EFCAB5: variants seen among roughly 807,000 people sequenced by gnomAD.
EFCAB5 encodes EF-hand calcium binding domain 5.
A neutral mutation model predicts 167.9 loss-of-function variants in EFCAB5; 131 were observed. The ratio of observed to expected loss-of-function variants is 0.78; its 90% CI spans 0.68 to 0.90. EFCAB5 has a LOEUF of 0.90. Ranked by LOEUF, EFCAB5 falls within the 40% of genes least tolerant of loss-of-function variation. EFCAB5 has a pLI of 0.00. For synonymous variants in EFCAB5, 574 were observed against 602.8 expected, an observed-to-expected ratio of 0.95 and a Z score of 0.70; for missense variants, 1,663 against 1,745.2, an observed-to-expected ratio of 0.95 and a Z score of 0.84.
intron 4 of EFCAB5, among the ~76,000 whole-genome samples, chr17:29,990,149 T>G (rs1393781609): frequency 2.0e-5 from 3 of 152,174 alleles, no homozygotes; most frequent in African/African-American, 7.2e-5. Flanking sequence ...ATATAACTAC[T>G]TTGATATACT....
At chr17:29,967,700 C>CATT (rs1404455210) in intron 3 of EFCAB5, among the ~76,000 whole-genome samples, 1 of 152,098 alleles carries the variant, frequency 6.6e-6, no homozygotes, top group Non-Finnish European at 1.5e-5. Flanking sequence ...CTTTTCCTGT[C>CATT]ATTGCTAGAG....
intron 22 of EFCAB5, among the ~76,000 whole-genome samples, chr17:30,098,093 C>T (rs893964607): frequency 1.3e-5 from 2 of 152,082 alleles, no homozygotes; most frequent in Admixed American, 1.3e-4. Flanking sequence ...TGCCACCACA[C>T]CCAACTAATT....
At chr17:29,987,932 C>T (rs1292280287) in intron 4 of EFCAB5, among the ~76,000 whole-genome samples, 2 of 152,140 alleles carry the variant, frequency 1.3e-5, no homozygotes, top group East Asian at 1.9e-4. Flanking sequence ...GTCTCCCAAA[C>T]GAGGGAACAT....
chr17:30,014,458 G>A (rs1034860159), intron 7 of EFCAB5, among the ~76,000 whole-genome samples: 4 of 152,088 alleles, frequency 2.6e-5, no homozygotes, highest in African/African-American at 9.7e-5. Flanking sequence ...GGTCTCTAAG[G>A]ACTTGCTTTA....
chr17:30,095,373 A>G (rs956622807), intron 22 of EFCAB5, among the ~76,000 whole-genome samples: 6 of 152,188 alleles, frequency 3.9e-5, no homozygotes, highest in Non-Finnish European at 7.3e-5. Flanking sequence ...GTCACCATTT[A>G]TAAAGAAACC....
chr17:30,045,458 CA>C (rs11291669), intron 8 of EFCAB5, among the ~76,000 whole-genome samples: 34,101 of 80,418 alleles, frequency 0.42, 4,192 homozygotes, highest in African/African-American at 0.59. Context: ...GCTCTGTCTC[CA>C]AAAAAAAAAA....
intron 7 of EFCAB5, among the ~76,000 whole-genome samples, chr17:30,028,660 G>T (rs2069395980): frequency 6.6e-6 from 1 of 152,166 alleles, no homozygotes. Flanking sequence ...GTATTAGTTT[G>T]CTAGTGCTGC....
rs2151738559 is a variant in EFCAB5, at chr17:30,034,180, T to C, written c.1045-50T>C. 4 of 1,582,278 alleles carry C rather than the reference T, an allele frequency of 2.5e-6. No individual in the cohort carries two copies. The East Asian group carries it at 9.1e-5, about 36-fold the overall frequency. ...GGTTGAATCCTGGGGAAAATCCAAGTAGAGCATGGTTTTAAGTCAATCGTT... is the reference window on the plus strand; with the variant it reads ...GGTTGAATCCTGGGGAAAATCCAAGCAGAGCATGGTTTTAAGTCAATCGTT... On this transcript the variant is annotated intron_variant, in intron 7 of 22. Coordinates refer to ENST00000394835, the MANE Select transcript of EFCAB5 (RefSeq NM_198529.4).
chr17:29,995,692 G>A (rs999450721), intron 5 of EFCAB5, among the ~76,000 whole-genome samples: 1 of 152,192 alleles, frequency 6.6e-6, no homozygotes, highest in African/African-American at 2.4e-5. Context: ...ATGTCTATGT[G>A]TTGGCTATTG....
chr17:29,948,195 T>C (rs1189794949), intron 3 of EFCAB5, among the ~76,000 whole-genome samples: 1 of 152,222 alleles, frequency 6.6e-6, no homozygotes, highest in East Asian at 1.9e-4. Context: ...TAAATTTAAT[T>C]AGATGTTCAC....
chr17:30,009,205 G>A (rs1394923489), intron 7 of EFCAB5, among the ~76,000 whole-genome samples: 2 of 152,168 alleles, frequency 1.3e-5, no homozygotes, highest in Admixed American at 1.3e-4. Flanking sequence ...TACAGATCCA[G>A]GGATTAGGAC....
chr17:29,944,761 T>C (rs1268234794), intron 3 of EFCAB5, among the ~76,000 whole-genome samples: 1 of 151,940 alleles, frequency 6.6e-6, no homozygotes, highest in Non-Finnish European at 1.5e-5. Flanking sequence ...GTAGCTGGGA[T>C]TACAAGCACG....
intron 4 of EFCAB5, among the ~76,000 whole-genome samples, chr17:29,977,851 A>G (rs1450747035): frequency 6.6e-6 from 1 of 152,208 alleles, no homozygotes; most frequent in Non-Finnish European, 1.5e-5. Flanking sequence ...AATTTCTTGC[A>G]TATTAAGTCG....
At chr17:29,979,967 G>A (rs1010449047) in intron 4 of EFCAB5, among the ~76,000 whole-genome samples, 1 of 152,112 alleles carries the variant, frequency 6.6e-6, no homozygotes, top group Non-Finnish European at 1.5e-5. Flanking sequence ...TCAGGAGTTC[G>A]AGAGCAGCCT....
At chr17:30,091,781 T>A in intron 20 of EFCAB5, 90 bp from the exon 21 acceptor site, 4 of 1,404,122 alleles carry the variant, frequency 2.8e-6, no homozygotes, top group Non-Finnish European at 3.8e-6. Context: ...AAACATTTAC[T>A]ATAATATGTT....
chr17:30,069,731 G>A, intron 14 of EFCAB5: 1 of 898,964 alleles, frequency 1.1e-6, no homozygotes, highest in Non-Finnish European at 1.7e-6. Flanking sequence ...CCCGGTGCTG[G>A]AGCATGGTAT....
intron 7 of EFCAB5, among the ~76,000 whole-genome samples, chr17:30,000,939 G>T (rs2068648828): frequency 1.3e-5 from 2 of 152,096 alleles, no homozygotes; most frequent in Non-Finnish European, 2.9e-5. Context: ...TATTTCTCCT[G>T]CTCTAAATCA....
intron 16 of EFCAB5, among the ~76,000 whole-genome samples, chr17:30,080,550 G>GTTTTTTTTTTT (rs5819877): frequency 6.8e-6 from 1 of 147,754 alleles, no homozygotes. Flanking sequence ...ATCCAAGCTT[G>GTTTTTTTTTTT]TTTTTTTTTT....
At chr17:30,089,865 T>A (rs1386947503) in intron 19 of EFCAB5, among the ~76,000 whole-genome samples, 2 of 152,214 alleles carry the variant, frequency 1.3e-5, no homozygotes, top group Non-Finnish European at 2.9e-5. Flanking sequence ...AATTGACCTT[T>A]CAGAGCTCCC....
Sources: gnomAD v4.1 joint callset for allele counts (sites outside exome capture counted in the v4.1 genomes callset) on GRCh38, gnomAD v4.1.1 for gene constraint, MANE v1.5 for transcripts, NCBI Gene and HGNC (gene_info 2026-07-23, HGNC 2026-07-21) for gene names.